The following MAPRE2 variants were observed in gnomAD, a reference collection of about 807,000 sequenced individuals.
MAPRE2 encodes the protein microtubule associated protein RP/EB family member 2, also known as microtubule-associated protein RP/EB family member 2.
Under a neutral mutation model 43.2 loss-of-function variants are expected in MAPRE2, and 13 were observed. The observed-to-expected ratio is 0.30, with a 90% confidence interval of 0.20 to 0.48. The LOEUF (loss-of-function observed/expected upper bound fraction) is 0.48, where lower values mean the gene tolerates loss of function less well. Ranked by LOEUF, MAPRE2 falls within the 20% of genes least tolerant of loss-of-function variation. MAPRE2 has a pLI of 0.99. For missense variants in MAPRE2, 161 were observed against 400.2 expected, an observed-to-expected ratio of 0.40 and a Z score of 5.10; for synonymous variants, 135 against 148.8, an observed-to-expected ratio of 0.91 and a Z score of 0.68.
chr18:35,104,067 G>A (rs1908795538), intron 4 of MAPRE2, among the ~76,000 whole-genome samples: 1 of 152,118 alleles, frequency 6.6e-6, no homozygotes, highest in African/African-American at 2.4e-5. Context: ...ATGAACATCA[G>A]GAAGAAAACC....
chr18:35,005,364 G>A (rs1291960823), intron 1 of MAPRE2: 3 of 522,784 alleles, frequency 5.7e-6, no homozygotes, highest in Admixed American at 3.5e-5. Flanking sequence ...GATATTTGGC[G>A]TGTATTTTTT....
chr18:35,133,567 A>G (rs1423000527), intron 6 of MAPRE2, among the ~76,000 whole-genome samples: 1 of 152,196 alleles, frequency 6.6e-6, no homozygotes, highest in Non-Finnish European at 1.5e-5. Context: ...CAGCGCCATG[A>G]GACTGAGTGA....
intron 2 of MAPRE2, among the ~76,000 whole-genome samples, chr18:35,077,042 A>C (rs1907391168): frequency 6.6e-6 from 1 of 152,226 alleles, no homozygotes; most frequent in South Asian, 2.1e-4. Flanking sequence ...AAAATAGATC[A>C]CCTGGAATGC....
chr18:35,132,262 T>G (rs2144249685), intron 6 of MAPRE2, 72 bp downstream of exon 6: 1 of 1,407,550 alleles, frequency 7.1e-7, no homozygotes. Flanking sequence ...AGATCAGCAC[T>G]CCTTAGAATA....
chr18:35,118,048 A>ACAGTAAG (rs1909490540), intron 4 of MAPRE2, among the ~76,000 whole-genome samples: 1 of 152,086 alleles, frequency 6.6e-6, no homozygotes, highest in Non-Finnish European at 1.5e-5. Flanking sequence ...TCTAGCAGGG[A>ACAGTAAG]CAGTAAGCAG....
chr18:35,102,241 G>T, intron 4 of MAPRE2, 82 bp downstream of exon 4: 2 of 1,027,350 alleles, frequency 1.9e-6, no homozygotes, highest in South Asian at 1.8e-5. Flanking sequence ...GTGTGTTTCT[G>T]ACTGATTCTT....
At chr18:35,111,734 C>A (rs947938175) in intron 4 of MAPRE2, among the ~76,000 whole-genome samples, 1 of 152,220 alleles carries the variant, frequency 6.6e-6, no homozygotes, top group South Asian at 2.1e-4. Context: ...ACTAAATCTT[C>A]ATTTACCTTT....
At chr18:35,034,723 A>G (rs901169994) in intron 2 of MAPRE2, among the ~76,000 whole-genome samples, 3 of 152,244 alleles carry the variant, frequency 2.0e-5, no homozygotes, top group Non-Finnish European at 4.4e-5. Flanking sequence ...ACACTTCTCA[A>G]AAGAAGACAT....
At chr18:35,100,811 C>T (rs529756319) in intron 3 of MAPRE2, among the ~76,000 whole-genome samples, 3 of 152,018 alleles carry the variant, frequency 2.0e-5, no homozygotes, top group Non-Finnish European at 4.4e-5. Flanking sequence ...GAGGCCGAGG[C>T]GGGTGGATCA....
intron 2 of MAPRE2, among the ~76,000 whole-genome samples, chr18:35,092,191 C>T (rs981135545): frequency 6.6e-6 from 1 of 152,212 alleles, no homozygotes; most frequent in Non-Finnish European, 1.5e-5. Context: ...CCAGGCCCCA[C>T]CTCCAAAATT....
intron 4 of MAPRE2, among the ~76,000 whole-genome samples, chr18:35,102,963 C>G (rs1489062837): frequency 6.6e-6 from 1 of 152,042 alleles, no homozygotes; most frequent in Non-Finnish European, 1.5e-5. Flanking sequence ...GTAAATAAAA[C>G]AAATTTCTTA....
At chr18:35,024,427 C>T (rs1243683934) in intron 2 of MAPRE2, among the ~76,000 whole-genome samples, 2 of 152,190 alleles carry the variant, frequency 1.3e-5, no homozygotes, top group South Asian at 4.1e-4. Flanking sequence ...TGCTGAAAGC[C>T]TTTTGACTAT....
chr18:35,065,663 C>T (rs1429760054), intron 1 of MAPRE2, among the ~76,000 whole-genome samples: 1 of 152,116 alleles, frequency 6.6e-6, no homozygotes, highest in Non-Finnish European at 1.5e-5. Flanking sequence ...AAGCGATTCT[C>T]CTGCCTCAGC....
At chr18:35,139,788 C>T (rs1910544035) in intron 6 of MAPRE2, among the ~76,000 whole-genome samples, 1 of 152,176 alleles carries the variant, frequency 6.6e-6, no homozygotes. Context: ...TTCAGGGCGA[C>T]ACTGCCGAGC....
At chr18:35,118,160 G>C (rs1398451575) in intron 4 of MAPRE2, among the ~76,000 whole-genome samples, 1 of 152,130 alleles carries the variant, frequency 6.6e-6, no homozygotes, top group Non-Finnish European at 1.5e-5. Context: ...GAGACCACAA[G>C]TCAGCGAAGA....
intron 1 of MAPRE2, among the ~76,000 whole-genome samples, chr18:34,985,575 TAAAC>T (rs1349948819): frequency 3.6e-5 from 3 of 84,408 alleles, no homozygotes; most frequent in African/African-American, 4.9e-5. Context: ...ATATAATATA[TAAAC>T]TATAAACTAT....
At chr18:35,136,131 A>G (rs1401224227) in intron 6 of MAPRE2, among the ~76,000 whole-genome samples, 4 of 152,196 alleles carry the variant, frequency 2.6e-5, no homozygotes, top group Non-Finnish European at 4.4e-5. Context: ...AGGTGGTTCA[A>G]TTCCCAGTTG....
At chr18:35,105,859 G>A (rs1569005433) in intron 4 of MAPRE2, among the ~76,000 whole-genome samples, 2 of 151,948 alleles carry the variant, frequency 1.3e-5, no homozygotes, top group African/African-American at 4.8e-5. Context: ...GTAGTCTTTA[G>A]TATATGTATG....
chr18:35,098,454 A>C (rs1477763235), intron 3 of MAPRE2, among the ~76,000 whole-genome samples: 1 of 152,204 alleles, frequency 6.6e-6, no homozygotes, highest in Non-Finnish European at 1.5e-5. Context: ...AGTTTGATAA[A>C]CTATGTATTT....
Sources: gnomAD v4.1 joint callset for allele counts (sites outside exome capture counted in the v4.1 genomes callset) on GRCh38, gnomAD v4.1.1 for gene constraint, MANE v1.5 for transcripts, NCBI Gene and HGNC (gene_info 2026-07-23, HGNC 2026-07-21) for gene names.